Variants in RTF2 observed in about 807,000 individuals in gnomAD.
RTF2 encodes UPF0549 protein C20orf43.
RTF2 carries 18 observed loss-of-function variants against 38.0 expected under a neutral mutation model. The ratio of observed to expected loss-of-function variants is 0.47; its 90% CI spans 0.33 to 0.70. RTF2 has a LOEUF of 0.70. RTF2 is among the 30% of genes least tolerant of loss of function. The probability of loss-of-function intolerance (pLI) is 0.02; values close to 1 mark genes in which losing one functional copy is unlikely to be tolerated. For synonymous variants in RTF2, 126 were observed against 137.1 expected, an observed-to-expected ratio of 0.92 and a Z score of 0.57; for missense variants, 311 against 379.6, an observed-to-expected ratio of 0.82 and a Z score of 1.50.
intron 4 of RTF2, among the ~76,000 whole-genome samples, chr20:56,481,277 C>T (rs964585807): frequency 6.6e-6 from 1 of 152,192 alleles, no homozygotes; most frequent in African/African-American, 2.4e-5. Context: ...CATTCTGGCA[C>T]ATTGGCGTCT....
chr20:56,487,009 G>A (rs1019317830), intron 5 of RTF2, among the ~76,000 whole-genome samples: 2 of 152,212 alleles, frequency 1.3e-5, no homozygotes, highest in Non-Finnish European at 2.9e-5. Context: ...AGGAGCAGGA[G>A]TTCTAGTTCT....
Position 56,519,365 on chromosome 20 carries a change from C to G in RTF2, c.*1100C>G, listed in dbSNP as rs930259357. On this transcript the variant is annotated 3_prime_UTR_variant, in exon 9 of 9. Coordinates refer to ENST00000357348, the MANE Select transcript of RTF2 (RefSeq NM_016407.5). ...TTTTTCTCAAACCCTGTGTGGTTCC[C>G]GGCTTCACAGTTGATGGGAAGGTTT... is the stretch of plus-strand genomic sequence containing the variant. 6.6e-6 allele frequency: 1 copy of G among 152,066 alleles called. No individual in the cohort carries two copies. Among genetic ancestry groups the G allele is most frequent in the Non-Finnish European group, 1.5e-5 (1 of 68,038 alleles). The allele number at this position is 152,066 out of a possible 1,614,324, so 9.4% of individuals were successfully genotyped here.
At chr20:56,477,556 T>C (rs1209505198) in intron 4 of RTF2, among the ~76,000 whole-genome samples, 1 of 152,224 alleles carries the variant, frequency 6.6e-6, no homozygotes, top group East Asian at 1.9e-4. Context: ...TTTATCCTTT[T>C]TTTTTAAGTA....
At position 56,468,665 on chromosome 20, in the gene RTF2, G is replaced by C; in HGVS notation, c.-33G>C. ...GAAATCCCGGAAGTGACAGCTTTGG[G>C]GGTTTGCTGCTGGCTCTGACTCCCG... On this transcript the variant is annotated 5_prime_UTR_variant, in exon 1 of 9. Transcript: ENST00000357348. The C allele has an allele frequency of 1.3e-6, 2 of 1,550,976 alleles. No individual in the cohort carries two copies. Among genetic ancestry groups the C allele is most frequent in the East Asian group, 4.9e-5 (2 of 41,194 alleles).
intron 4 of RTF2, among the ~76,000 whole-genome samples, chr20:56,479,143 G>T (rs978582316): frequency 3.3e-5 from 5 of 152,192 alleles, no homozygotes; most frequent in African/African-American, 1.2e-4. Flanking sequence ...TCCATGAGGG[G>T]TGGAATCAGC....
At chr20:56,472,822 G>A (rs2146313753) in intron 1 of RTF2, among the ~76,000 whole-genome samples, 1 of 152,240 alleles carries the variant, frequency 6.6e-6, no homozygotes, top group South Asian at 2.1e-4. Flanking sequence ...ATTTGATGTA[G>A]TATTAATTAC....
intron 1 of RTF2, chr20:56,470,855 C>T (rs1981923927): frequency 3.0e-6 from 1 of 328,438 alleles, no homozygotes; most frequent in Admixed American, 3.7e-5. Flanking sequence ...ATGAGGACAG[C>T]CCTGCACTTG....
chr20:56,478,982 T>C (rs1258516806), intron 4 of RTF2, among the ~76,000 whole-genome samples: 2 of 152,242 alleles, frequency 1.3e-5, no homozygotes, highest in Non-Finnish European at 2.9e-5. Flanking sequence ...CTTTCTTTGC[T>C]CATCCATAAG....
intron 6 of RTF2, chr20:56,513,651 A>ACATCACT (rs2146377717): frequency 2.2e-6 from 1 of 446,292 alleles, no homozygotes; most frequent in East Asian, 4.2e-5. Context: ...CTTTCTCATC[A>ACATCACT]GTGAAGTGGG....
At chr20:56,481,804 A>G (rs1245841075) in intron 4 of RTF2, among the ~76,000 whole-genome samples, 3 of 152,200 alleles carry the variant, frequency 2.0e-5, no homozygotes, top group East Asian at 3.9e-4. Context: ...TGCCCATTAC[A>G]TAGGTACTCC....
intron 5 of RTF2, among the ~76,000 whole-genome samples, chr20:56,492,559 TA>T (rs1398627157): frequency 6.7e-6 from 1 of 149,858 alleles, no homozygotes; most frequent in Non-Finnish European, 1.5e-5. Context: ...GTCTGTAATT[TA>T]AAAAAAAATT....
intron 4 of RTF2, among the ~76,000 whole-genome samples, chr20:56,479,818 C>CTTT (rs56227133): frequency 1.3e-4 from 18 of 142,382 alleles, no homozygotes; most frequent in African/African-American, 1.3e-4. Context: ...TGAAAGGAAT[C>CTTT]TTTTTTTTTT....
intron 5 of RTF2, among the ~76,000 whole-genome samples, chr20:56,511,423 C>A (rs1300855645): frequency 6.6e-6 from 1 of 151,398 alleles, no homozygotes; most frequent in Non-Finnish European, 1.5e-5. Context: ...AACCTTCCCC[C>A]AACCATCTAT....
chr20:56,497,679 AACAG>A, intron 5 of RTF2: 6 of 1,127,328 alleles, frequency 5.3e-6, no homozygotes, highest in Non-Finnish European at 6.8e-6. Context: ...CTAAAAGAAC[AACAG>A]ATACAATTTA....
intron 3 of RTF2, among the ~76,000 whole-genome samples, chr20:56,476,602 C>T (rs1427268270): frequency 1.3e-5 from 2 of 151,178 alleles, no homozygotes; most frequent in Non-Finnish European, 2.9e-5. Flanking sequence ...CGGGTTCAAG[C>T]GATTCTCCTG....
rs1228552224 is a variant in RTF2 at position 56,516,746 on chromosome 20, G to A, written c.592-189G>A. 5 of 635,726 alleles carry A rather than the reference G, an allele frequency of 7.9e-6. No homozygotes were observed. In the African/African-American group the frequency reaches 9.1e-5, roughly 12 times the overall value. The allele number at this position is 635,726 out of a possible 1,614,324, so 39.4% of individuals were successfully genotyped here. On this transcript the variant is annotated intron_variant, in intron 6 of 8. Transcript: ENST00000357348. ...TTGTGTGAGGCAGAAGTGCATGACTGGTGTCACATGCAGAGGGTGAAGGCT... is the reference window on the plus strand; with the variant it reads ...TTGTGTGAGGCAGAAGTGCATGACTAGTGTCACATGCAGAGGGTGAAGGCT...
At position 56,476,988 on chromosome 20, in the gene RTF2, G is replaced by A. The variant is rs1982280040; in HGVS notation, c.262G>A (p.Val88Met). The part of the protein sequence containing the change: ...AASHIKSIKN[V>M]TELKLSDNPA... Reference sequence around the variant, plus strand: ...AAATATTAATGGTTTTTCCCAGAATGTGACAGAGCTGAAGCTTTCTGATAA... The same window carrying A: ...AAATATTAATGGTTTTTCCCAGAATATGACAGAGCTGAAGCTTTCTGATAA... The change falls in exon 4 of 9, where the codon GTG (valine) becomes ATG (methionine). Residue 88 changes from valine to methionine, a missense_variant. Physicochemically the swap from Val to Met is conservative, Grantham distance 21 (BLOSUM62 1). Transcript: ENST00000357348. 6.2e-7 allele frequency: 1 copy of A among 1,613,958 alleles called. No homozygotes were observed. Among genetic ancestry groups the A allele is most frequent in the Non-Finnish European group, 8.5e-7 (1 of 1,179,900 alleles).
chr20:56,474,793 T>G (rs1476635294), intron 3 of RTF2, 22 bp downstream of exon 3: 1 of 1,461,966 alleles, frequency 6.8e-7, no homozygotes. Context: ...GATTCTGAAG[T>G]GCTGTGAGGG....
rs79156395 is a variant in RTF2, at chr20:56,482,673, C to T, written c.399-1438C>T. The stretch of plus-strand genomic sequence containing the variant: ...ATAGGATTTTAAAAATTCTAAACAA[C>T]ATTCAGTGAATTTAGTGCAGTGTTA... On this transcript the variant is annotated intron_variant, in intron 4 of 8. Transcript: ENST00000357348. 1.1e-3 allele frequency among the ~76,000 whole-genome samples: 172 copies of T among 152,310 alleles called. 4 individuals are homozygous for T. In the East Asian group the frequency reaches 0.03, roughly 27 times the overall value.
Sources: gnomAD v4.1 joint callset for allele counts (sites outside exome capture counted in the v4.1 genomes callset) on GRCh38, gnomAD v4.1.1 for gene constraint, MANE v1.5 for transcripts, NCBI Gene and HGNC (gene_info 2026-07-23, HGNC 2026-07-21) for gene names.